Variants in CADPS2 observed in about 807,000 individuals in gnomAD.
The protein encoded by CADPS2 is calcium-dependent secretion activator 2.
Under a neutral mutation model 172.5 loss-of-function variants are expected in CADPS2, and 93 were observed. The ratio of observed to expected loss-of-function variants is 0.54; its 90% CI spans 0.46 to 0.64. The LOEUF is 0.64. CADPS2 is among the 30% of genes least tolerant of loss of function. The pLI, the probability that CADPS2 is intolerant of heterozygous loss-of-function variation, is 0.00. For synonymous variants in CADPS2, 546 were observed against 555.2 expected (o/e 0.98, Z 0.23); for missense variants, 1,420 against 1,565.9 (o/e 0.91, Z 1.57).
chr7:122,321,395 T>G (rs1017263504), intron 29 of CADPS2, among the ~76,000 whole-genome samples: 1 of 152,240 alleles, frequency 6.6e-6, no homozygotes. Context: ...CTTGAACCCC[T>G]GGCCTCAAAT....
intron 2 of CADPS2, chr7:122,698,964 A>G (rs1418752008): frequency 2.3e-6 from 3 of 1,299,996 alleles, no homozygotes; most frequent in Non-Finnish European, 3.2e-6. Context: ...ACAGTTGCAC[A>G]TCTGTTGACA....
At chr7:122,344,382 TA>T (rs2037248643) in intron 28 of CADPS2, among the ~76,000 whole-genome samples, 1 of 152,186 alleles carries the variant, frequency 6.6e-6, no homozygotes, top group South Asian at 2.1e-4. Context: ...GACTGTAAAA[TA>T]ATTACAAATG....
At chr7:122,423,816 G>A (rs959885463) in intron 17 of CADPS2, among the ~76,000 whole-genome samples, 3 of 152,200 alleles carry the variant, frequency 2.0e-5, no homozygotes, top group Admixed American at 6.5e-5. Context: ...CCAAGAATTT[G>A]CATTTCTAAC....
chr7:122,680,359 G>C (rs981228182), intron 2 of CADPS2, among the ~76,000 whole-genome samples: 2 of 152,200 alleles, frequency 1.3e-5, no homozygotes, highest in Admixed American at 1.3e-4. Context: ...GCTTTCAAAA[G>C]ATCCTTCCAA....
rs768051785 is a variant in CADPS2, at chr7:122,554,663, G to C, written c.1362C>G (p.Ser454Arg). ...GRVILYPTSNSSKSAELHRMV... is the reference protein window; with the variant it reads ...GRVILYPTSNRSKSAELHRMV... ...TTCGGTGTAATTCAGCTGATTTGGA[G>C]CTATTAGAAGTTGGGTATAATATCA... Residue 454 changes from serine to arginine, a missense_variant, in exon 8 of 30, where the codon AGC becomes AGG. Transcript: ENST00000449022. 1 of 1,608,686 alleles carries C rather than the reference G, an allele frequency of 6.2e-7. No individual in the cohort carries two copies. The highest frequency in any genetic ancestry group is 8.5e-7 in the Non-Finnish European group (1 of 1,177,680).
At chr7:122,463,591 T>C (rs182929421) in intron 14 of CADPS2, among the ~76,000 whole-genome samples, 298 of 152,306 alleles carry the variant, frequency 2.0e-3, no homozygotes, top group Middle Eastern at 0.01. Context: ...GTTACAGCCC[T>C]AAACTCTTAG....
intron 27 of CADPS2, among the ~76,000 whole-genome samples, chr7:122,351,731 T>G (rs1446469432): frequency 6.6e-6 from 1 of 152,148 alleles, no homozygotes; most frequent in Non-Finnish European, 1.5e-5. Context: ...GAATCCTACC[T>G]TAATGCTATG....
intron 1 of CADPS2, among the ~76,000 whole-genome samples, chr7:122,757,717 CTAGA>C (rs1750870892): frequency 6.6e-6 from 1 of 151,834 alleles, no homozygotes; most frequent in Non-Finnish European, 1.5e-5. Flanking sequence ...CTAACAGCTA[CTAGA>C]TGCCTGTCGA....
intron 9 of CADPS2, among the ~76,000 whole-genome samples, chr7:122,505,448 C>T (rs1413661158): frequency 6.6e-6 from 1 of 152,154 alleles, no homozygotes; most frequent in Non-Finnish European, 1.5e-5. Context: ...TCAAAAACTT[C>T]AGGTTTAGAG....
At chr7:122,830,355 T>C (rs1806172622) in intron 1 of CADPS2, among the ~76,000 whole-genome samples, 1 of 151,112 alleles carries the variant, frequency 6.6e-6, no homozygotes, top group Non-Finnish European at 1.5e-5. Flanking sequence ...CTGCAACAAA[T>C]ACAGCATAAA....
At chr7:122,666,609 T>G (rs766685808) in intron 2 of CADPS2, among the ~76,000 whole-genome samples, 5 of 152,150 alleles carry the variant, frequency 3.3e-5, no homozygotes, top group African/African-American at 4.8e-5. Flanking sequence ...CCCAAAGTGC[T>G]GGGATTACAG....
At chr7:122,533,963 C>A (rs558503115) in intron 8 of CADPS2, among the ~76,000 whole-genome samples, 1 of 152,096 alleles carries the variant, frequency 6.6e-6, no homozygotes, top group South Asian at 2.1e-4. Context: ...TTTAGCCGAA[C>A]GCATGCATCT....
At chr7:122,779,846 T>C (rs928007864) in intron 1 of CADPS2, among the ~76,000 whole-genome samples, 18 of 152,174 alleles carry the variant, frequency 1.2e-4, no homozygotes, top group Non-Finnish European at 2.2e-4. Context: ...TATATACCTA[T>C]GGACTATTTA....
intron 15 of CADPS2, among the ~76,000 whole-genome samples, chr7:122,449,523 C>T (rs546164551): frequency 2.0e-5 from 3 of 152,106 alleles, no homozygotes; most frequent in Admixed American, 6.5e-5. Flanking sequence ...GGTCTCGCTA[C>T]GTTGCCTAGG....
intron 1 of CADPS2, among the ~76,000 whole-genome samples, chr7:122,786,760 T>A (rs974262839): frequency 6.6e-6 from 1 of 152,154 alleles, no homozygotes; most frequent in Non-Finnish European, 1.5e-5. Context: ...ATCCCCATTT[T>A]TTTTTCTATA....
At chr7:122,834,661 C>T (rs920270830) in intron 1 of CADPS2, among the ~76,000 whole-genome samples, 1 of 152,212 alleles carries the variant, frequency 6.6e-6, no homozygotes, top group Non-Finnish European at 1.5e-5. Context: ...CTTGGAGGGT[C>T]CCACACCCAC....
In CADPS2 at chr7:122,736,013, C is replaced by G. The variant is rs535181902; in HGVS notation, c.453+942G>C. On this transcript the variant is annotated intron_variant, in intron 2 of 29. Transcript: ENST00000449022. ...CAAGGTCCAGTTGGACATACCCACTCTTGACATTAGATTTATGTTATATAC... is the reference window on the plus strand; with the variant it reads ...CAAGGTCCAGTTGGACATACCCACTGTTGACATTAGATTTATGTTATATAC... Among the ~76,000 whole-genome samples the G allele has an allele frequency of 1.4e-4, 21 of 152,252 alleles. No homozygotes were observed. In the South Asian group the frequency reaches 4.4e-3, roughly 32 times the overall value.
chr7:122,490,722 T>A (rs2058205180), intron 10 of CADPS2, among the ~76,000 whole-genome samples: 1 of 143,778 alleles, frequency 7.0e-6, no homozygotes, highest in Non-Finnish European at 1.5e-5. Context: ...ACATAATATT[T>A]TGCATTTTAA....
At position 122,501,900 on chromosome 7, in the gene CADPS2, GA is replaced by G. The variant is rs377560103; in HGVS notation, c.1543-10481del. On this transcript the variant is annotated intron_variant, in intron 9 of 29. Coordinates refer to ENST00000449022, the MANE Select transcript of CADPS2 (RefSeq NM_017954.11). ...AAAAAAAAAAAAAAAAAAAAAAAAG[GA>G]AAAAAAAAGTCACCTTGAGTCTAGA... Among the ~76,000 whole-genome samples the G allele has an allele frequency of 3.5e-3, 484 of 136,674 alleles. 4 individuals are homozygous for G. Among genetic ancestry groups the G allele is most frequent in the South Asian group, 6.6e-3 (28 of 4,262 alleles). The allele number at this position is 136,674 out of a possible 152,430, so 89.7% of individuals were successfully genotyped here. A position where few individuals can be genotyped will look rare whatever the true frequency, so the allele number is the denominator to read the frequency against.
Sources: allele counts gnomAD v4.1 joint callset (sites outside exome capture counted in the v4.1 genomes callset), GRCh38; gene constraint gnomAD v4.1.1; transcripts MANE v1.5; gene names NCBI Gene and HGNC (gene_info 2026-07-23, HGNC 2026-07-21).